Variants in WWOX observed in about 807,000 individuals in gnomAD.
The protein encoded by WWOX is WW domain containing oxidoreductase.
A neutral mutation model predicts 46.2 loss-of-function variants in WWOX; 69 were observed. The ratio of observed to expected loss-of-function variants is 1.49; its 90% CI spans 1.23 to 1.82. The LOEUF is 1.82. Ranked by LOEUF, WWOX falls within the 40% of genes most tolerant of loss-of-function variation. WWOX has a pLI of 0.00. For missense variants in WWOX, 919 were observed against 542.6 expected (o/e 1.69, Z -6.89); for synonymous variants, 359 against 202.6 (o/e 1.77, Z -6.56).
chr16:78,901,598 C>A (rs2151242589), intron 8 of WWOX, among the ~76,000 whole-genome samples: 1 of 152,298 alleles, frequency 6.6e-6, no homozygotes, highest in African/African-American at 2.4e-5. Context: ...AGTCATCCTC[C>A]CACCTCAGCC....
intron 8 of WWOX, among the ~76,000 whole-genome samples, chr16:78,811,298 C>G (rs535384364): frequency 6.6e-6 from 1 of 152,138 alleles, no homozygotes; most frequent in East Asian, 1.9e-4. Context: ...CTCTGTGATT[C>G]ATAGGCTCTC....
At chr16:78,991,406 C>A (rs867515598) in intron 8 of WWOX, among the ~76,000 whole-genome samples, 5 of 151,966 alleles carry the variant, frequency 3.3e-5, no homozygotes, top group African/African-American at 9.7e-5. Flanking sequence ...CCAGCCTGGT[C>A]AACACAAGGA....
At position 78,709,118 on chromosome 16, in the gene WWOX, C is replaced by T. The variant is rs78477467; in HGVS notation, c.1056+276366C>T. On this transcript the variant is annotated intron_variant, in intron 8 of 8. Coordinates refer to ENST00000566780, the MANE Select transcript of WWOX (RefSeq NM_016373.4). Reference sequence around the variant, plus strand: ...CTGCGTGTCATTTTGAAGTTCCCTACTCTCCTCCTCGTTCTCTAAATCCAT... The same window carrying T: ...CTGCGTGTCATTTTGAAGTTCCCTATTCTCCTCCTCGTTCTCTAAATCCAT... Among the ~76,000 whole-genome samples, 1,163 of 152,290 alleles carry T rather than the reference C, an allele frequency of 7.6e-3. 13 individuals carry two copies. The highest frequency in any genetic ancestry group is 0.013 in the Non-Finnish European group (908 of 68,034).
chr16:78,766,332 C>G (rs1382203008), intron 8 of WWOX, among the ~76,000 whole-genome samples: 2 of 152,184 alleles, frequency 1.3e-5, no homozygotes, highest in Non-Finnish European at 2.9e-5. Flanking sequence ...CATGGTAGCA[C>G]ACTTGTAATC....
At chr16:79,007,731 C>T (rs970055181) in intron 8 of WWOX, among the ~76,000 whole-genome samples, 12 of 152,160 alleles carry the variant, frequency 7.9e-5, no homozygotes, top group Admixed American at 1.3e-4. Context: ...AGCTGCTTAG[C>T]GGCAAAACCA....
chr16:78,664,037 T>A (rs2047275482), intron 8 of WWOX, among the ~76,000 whole-genome samples: 1 of 152,162 alleles, frequency 6.6e-6, no homozygotes, highest in Admixed American at 6.5e-5. Flanking sequence ...GGTGACATAA[T>A]TTGAATCATG....
chr16:78,777,648 C>T (rs897661080), intron 8 of WWOX, among the ~76,000 whole-genome samples: 6 of 152,248 alleles, frequency 3.9e-5, no homozygotes, highest in Non-Finnish European at 7.4e-5. Flanking sequence ...AAAAAGACCT[C>T]AGGGCAGACT....
chr16:78,665,976 C>T (rs367617851), intron 8 of WWOX, among the ~76,000 whole-genome samples: 159 of 151,968 alleles, frequency 1.0e-3, no homozygotes, highest in African/African-American at 3.6e-3. Context: ...TGAGCCGCTG[C>T]GCCTGGCCAA....
Position 78,796,217 on chromosome 16 carries a change from C to G in WWOX, c.1056+363465C>G, listed in dbSNP as rs538856942. Among the ~76,000 whole-genome samples, 3 of 152,304 alleles carry G rather than the reference C, an allele frequency of 2.0e-5. No individual in the cohort carries two copies. In the South Asian group the frequency reaches 6.2e-4, roughly 32 times the overall value. On this transcript the variant is annotated intron_variant, in intron 8 of 8. Transcript: ENST00000566780. Reference sequence around the variant, plus strand: ...TGTCGTTGATTGCTTGCTGAAGTAACAATTAGTATAGACATTCAGCAACTG... The same window carrying G: ...TGTCGTTGATTGCTTGCTGAAGTAAGAATTAGTATAGACATTCAGCAACTG...
chr16:78,810,308 A>G (rs1260200599), intron 8 of WWOX, among the ~76,000 whole-genome samples: 1 of 152,260 alleles, frequency 6.6e-6, no homozygotes, highest in Middle Eastern at 3.2e-3. Flanking sequence ...GCTATGAAAT[A>G]TCATGTTCTG....
intron 8 of WWOX, among the ~76,000 whole-genome samples, chr16:78,814,563 G>C (rs1417331302): frequency 6.6e-6 from 1 of 152,056 alleles, no homozygotes; most frequent in African/African-American, 2.4e-5. Context: ...CGTGGATAAA[G>C]GCACCTGTGT....
In WWOX at chr16:78,272,810, G is replaced by T. The variant is rs565981254; in HGVS notation, c.516+108521G>T. On this transcript the variant is annotated intron_variant, in intron 5 of 8. Transcript: ENST00000566780. ...CTGTTTTTAATTCACCACACTGTAT[G>T]CCATTTGCTTAAAATCAGAAAGGAC... is the stretch of plus-strand genomic sequence containing the variant. 5.1e-4 allele frequency among the ~76,000 whole-genome samples: 78 copies of T among 152,246 alleles called. 1 individual carries two copies. Among genetic ancestry groups the T allele is most frequent in the Non-Finnish European group, 1.0e-3 (69 of 68,004 alleles).
intron 5 of WWOX, among the ~76,000 whole-genome samples, chr16:78,262,964 C>A (rs934597023): frequency 6.6e-6 from 1 of 151,716 alleles, no homozygotes; most frequent in Non-Finnish European, 1.5e-5. Context: ...AGTTTTTAGC[C>A]CTGCTCAACT....
intron 8 of WWOX, among the ~76,000 whole-genome samples, chr16:78,754,431 A>G (rs994991020): frequency 2.0e-5 from 3 of 152,132 alleles, no homozygotes; most frequent in Non-Finnish European, 2.9e-5. Flanking sequence ...AGGGTTTTGA[A>G]GAGTTTGGCA....
intron 5 of WWOX, among the ~76,000 whole-genome samples, chr16:78,299,556 T>C (rs925494273): frequency 2.6e-5 from 4 of 151,126 alleles, no homozygotes; most frequent in Non-Finnish European, 5.9e-5. Flanking sequence ...TCTTGCTCTG[T>C]CACCCAGCCT....
At chr16:78,438,537 T>C (rs1397686299) in intron 8 of WWOX, among the ~76,000 whole-genome samples, 1 of 152,100 alleles carries the variant, frequency 6.6e-6, no homozygotes, top group Non-Finnish European at 1.5e-5. Context: ...CGGTCCTTTG[T>C]GGACCAGTAT....
chr16:78,743,184 C>T (rs150102301), intron 8 of WWOX, among the ~76,000 whole-genome samples: 37 of 152,230 alleles, frequency 2.4e-4, no homozygotes, highest in Middle Eastern at 3.4e-3. Context: ...AAGGTTCATG[C>T]TGGCAGAGGA....
chr16:78,578,524 G>A lies in WWOX; in HGVS notation c.1056+145772G>A, dbSNP rs528027903. Among the ~76,000 whole-genome samples the A allele has an allele frequency of 4.0e-5, 6 of 151,524 alleles. No homozygotes were observed. The South Asian group carries it at 8.3e-4, about 21-fold the overall frequency. On this transcript the variant is annotated intron_variant, in intron 8 of 8. Coordinates refer to ENST00000566780, the MANE Select transcript of WWOX (RefSeq NM_016373.4). ...AGGATGGTCTCAATCTCCTGGCCTCGTGATTCACCTGCCTTGGCCTCCCAA... is the reference window on the plus strand; with the variant it reads ...AGGATGGTCTCAATCTCCTGGCCTCATGATTCACCTGCCTTGGCCTCCCAA...
intron 8 of WWOX, among the ~76,000 whole-genome samples, chr16:78,624,844 A>G (rs2046274853): frequency 6.6e-6 from 1 of 152,254 alleles, no homozygotes; most frequent in Non-Finnish European, 1.5e-5. Flanking sequence ...CTAAAGGAGC[A>G]GATATCGTAT....
Sources: gnomAD v4.1 joint callset for allele counts (sites outside exome capture counted in the v4.1 genomes callset) on GRCh38, gnomAD v4.1.1 for gene constraint, MANE v1.5 for transcripts, NCBI Gene and HGNC (gene_info 2026-07-23, HGNC 2026-07-21) for gene names.